NAA16: variants seen among roughly 807,000 people sequenced by gnomAD.
NAA16 encodes the protein N-alpha-acetyltransferase 16, NatA auxiliary subunit, also known as NARG1-like protein.
NAA16 carries 97 observed loss-of-function variants against 110.3 expected under a neutral mutation model. That is an observed-to-expected ratio of 0.88 (90% CI 0.75 to 1.04). The LOEUF is 1.04. Among genes scored for constraint, NAA16 ranks in the 50% least tolerant of loss-of-function variants. The pLI, the probability that NAA16 is intolerant of heterozygous loss-of-function variation, is 0.00. For missense variants in NAA16, 1,017 were observed against 1,005.1 expected, an observed-to-expected ratio of 1.01 and a Z score of -0.16; for synonymous variants, 372 against 330.6, an observed-to-expected ratio of 1.13 and a Z score of -1.36.
At chr13:41,368,712 T>A (rs536790648) in intron 14 of NAA16, among the ~76,000 whole-genome samples, 1 of 152,346 alleles carries the variant, frequency 6.6e-6, no homozygotes, top group South Asian at 2.1e-4. Flanking sequence ...CTTTTTTTCT[T>A]GTCATTATTA....
At chr13:41,332,783 T>G (rs2042274552) in intron 8 of NAA16, among the ~76,000 whole-genome samples, 1 of 40,230 alleles carries the variant, frequency 2.5e-5, no homozygotes, top group Non-Finnish European at 4.4e-5. Flanking sequence ...TTGATGAAAA[T>G]TAAAAATTTT....
At chr13:41,362,899 A>C in intron 13 of NAA16, 1 of 1,173,842 alleles carries the variant, frequency 8.5e-7, no homozygotes, top group South Asian at 1.7e-5. Context: ...GCACCGTGGC[A>C]GTCACTTTGG....
intron 9 of NAA16, among the ~76,000 whole-genome samples, chr13:41,340,503 T>G (rs2042507685): frequency 6.6e-6 from 1 of 152,148 alleles, no homozygotes; most frequent in Non-Finnish European, 1.5e-5. Flanking sequence ...GCTTTAAATG[T>G]GTCCCAGAGA....
chr13:41,346,983 C>T (rs530620837), intron 9 of NAA16, among the ~76,000 whole-genome samples: 2 of 152,036 alleles, frequency 1.3e-5, no homozygotes, highest in African/African-American at 4.8e-5. Context: ...CTTTGGGAGG[C>T]TGAGGTGGGT....
chr13:41,343,806 G>C (rs1445975481), intron 9 of NAA16, among the ~76,000 whole-genome samples: 1 of 152,144 alleles, frequency 6.6e-6, no homozygotes, highest in African/African-American at 2.4e-5. Context: ...CTCCCAAAGT[G>C]CTAGGATTAC....
intron 13 of NAA16, among the ~76,000 whole-genome samples, chr13:41,366,547 G>T (rs1473415388): frequency 5.3e-5 from 8 of 152,120 alleles, no homozygotes; most frequent in African/African-American, 1.7e-4. Flanking sequence ...GGGGCAGAGG[G>T]TTAGTGTTCA....
chr13:41,321,926 A>G (rs546577599), intron 4 of NAA16, among the ~76,000 whole-genome samples: 8 of 152,176 alleles, frequency 5.3e-5, no homozygotes, highest in Admixed American at 2.0e-4. Context: ...TGAACTTACT[A>G]TAATAATAAT....
chr13:41,355,115 T>C, intron 9 of NAA16, 29 bp from the exon 10 acceptor site: 1 of 1,397,506 alleles, frequency 7.2e-7, no homozygotes, highest in Non-Finnish European at 9.9e-7. Flanking sequence ...AAGATATTTT[T>C]AAATTTTAAA....
intron 9 of NAA16, among the ~76,000 whole-genome samples, chr13:41,349,960 CAAA>C (rs71086565): frequency 1.5e-4 from 19 of 126,756 alleles, no homozygotes; most frequent in East Asian, 2.3e-4. Flanking sequence ...GACTCCGTCT[CAAA>C]AAAAAAAAAA....
intron 16 of NAA16, 144 bp from the exon 17 acceptor site, chr13:41,372,588 A>G: frequency 7.5e-7 from 1 of 1,327,338 alleles, no homozygotes; most frequent in Non-Finnish European, 9.6e-7. Context: ...GTTGACTTTG[A>G]TAGCCAGAGT....
At chr13:41,370,030 T>C (rs2043285928) in intron 15 of NAA16, among the ~76,000 whole-genome samples, 1 of 152,230 alleles carries the variant, frequency 6.6e-6, no homozygotes, top group Non-Finnish European at 1.5e-5. Context: ...ATGTTGTAGC[T>C]ACAAAGAGAT....
chr13:41,375,324 AT>A (rs2043408029), intron 19 of NAA16, 80 bp from the exon 20 acceptor site: 7 of 974,050 alleles, frequency 7.2e-6, no homozygotes, highest in South Asian at 6.5e-5. Context: ...AATTTAACAC[AT>A]TGCATCTTTT....
In NAA16 at chr13:41,358,490, G is replaced by C; in HGVS notation, c.1257+17G>C. On this transcript the variant is annotated intron_variant, in intron 11 of 19. Coordinates refer to ENST00000379406, the MANE Select transcript of NAA16 (RefSeq NM_024561.5). ...ATTTACAAGGTAAAATCTGAATCCT[G>C]TTTTTTGAGTAGTTGAAGAATTCAG... 2 of 1,611,718 alleles carry C rather than the reference G, an allele frequency of 1.2e-6. No individual in the cohort carries two copies. Among genetic ancestry groups the C allele is most frequent in the Non-Finnish European group, 1.7e-6 (2 of 1,178,620 alleles).
chr13:41,315,839 G>A (rs1436900109), intron 1 of NAA16, among the ~76,000 whole-genome samples: 1 of 151,834 alleles, frequency 6.6e-6, no homozygotes, highest in East Asian at 1.9e-4. Flanking sequence ...GCACAGTCAT[G>A]CCTTACTGCA....
intron 9 of NAA16, among the ~76,000 whole-genome samples, chr13:41,338,724 A>T (rs9590585): frequency 0.029 from 4,410 of 152,204 alleles, 202 homozygotes; most frequent in African/African-American, 0.098. Context: ...TTTTTCAATT[A>T]AATTTTGTAA....
chr13:41,369,324 A>G (rs1259726910), intron 15 of NAA16, 41 bp downstream of exon 15: 2 of 1,478,022 alleles, frequency 1.4e-6, no homozygotes, highest in Non-Finnish European at 1.8e-6. Flanking sequence ...GGTAAAATTT[A>G]TGCTATTTGG....
Position 41,350,612 on chromosome 13 carries a change from TTTTTTTTGTTTGTTTG to T in NAA16, c.1015-4524_1015-4509del, listed in dbSNP as rs1347265048. On this transcript the variant is annotated intron_variant, in intron 9 of 19. Coordinates refer to ENST00000379406, the MANE Select transcript of NAA16 (RefSeq NM_024561.5). ...CGCCCTGCCAGTTTTTTTTTGTTTTTTTTTTTTGTTTGTTTGTTTTTTTTAAGATAAGAGTTTCACT... is the reference window on the plus strand; with the variant it reads ...CGCCCTGCCAGTTTTTTTTTGTTTTTTTTTTTTTAAGATAAGAGTTTCACT... Among the ~76,000 whole-genome samples, 33 of 18,208 alleles carry T rather than the reference TTTTTTTTGTTTGTTTG, an allele frequency of 1.8e-3. 1 individual carries two copies. The South Asian group carries it at 0.032, about 18-fold the overall frequency. 11.9% of individuals were successfully genotyped at this position (18,208 alleles called of 152,430 possible).
chr13:41,345,646 G>T (rs1014952188), intron 9 of NAA16, among the ~76,000 whole-genome samples: 1 of 151,982 alleles, frequency 6.6e-6, no homozygotes, highest in African/African-American at 2.4e-5. Flanking sequence ...ACAGTGGTGC[G>T]ATCTCACCTC....
At chr13:41,335,190 T>A (rs2042347215) in intron 8 of NAA16, among the ~76,000 whole-genome samples, 1 of 144,872 alleles carries the variant, frequency 6.9e-6, no homozygotes, top group Non-Finnish European at 1.5e-5. Context: ...AAACAAAATA[T>A]TAACTCGAAA....
Sources: allele counts gnomAD v4.1 joint callset (sites outside exome capture counted in the v4.1 genomes callset), GRCh38; gene constraint gnomAD v4.1.1; transcripts MANE v1.5; gene names NCBI Gene and HGNC (gene_info 2026-07-23, HGNC 2026-07-21).